The following NTRK3 variants were observed in gnomAD, a reference collection of about 807,000 sequenced individuals.
NTRK3 encodes NT-3 growth factor receptor.
NTRK3 carries 24 observed loss-of-function variants against 91.7 expected under a neutral mutation model. The observed-to-expected ratio is 0.26, with a 90% confidence interval of 0.19 to 0.37. The LOEUF (loss-of-function observed/expected upper bound fraction) is 0.37, where lower values mean the gene tolerates loss of function less well. Among genes scored for constraint, NTRK3 ranks in the 10% least tolerant of loss-of-function variants. The pLI, the probability that NTRK3 is intolerant of heterozygous loss-of-function variation, is 1.00. For synonymous variants in NTRK3, 483 were observed against 404.0 expected (o/e 1.20, Z -2.34); for missense variants, 880 against 1,068.9 (o/e 0.82, Z 2.46).
intron 14 of NTRK3, among the ~76,000 whole-genome samples, chr15:87,956,665 G>C (rs924297774): frequency 6.6e-6 from 1 of 152,044 alleles, no homozygotes; most frequent in South Asian, 2.1e-4. Context: ...CGCCTCCTGG[G>C]TTCAAGCAAT....
At chr15:87,896,806 T>TCA (rs1333188136) in intron 17 of NTRK3, among the ~76,000 whole-genome samples, 1 of 152,188 alleles carries the variant, frequency 6.6e-6, no homozygotes, top group African/African-American at 2.4e-5. Context: ...TACAGTGACA[T>TCA]CAGACTTCTG....
At chr15:88,082,393 G>C (rs2048133431) in intron 13 of NTRK3, among the ~76,000 whole-genome samples, 1 of 152,080 alleles carries the variant, frequency 6.6e-6, no homozygotes, top group Non-Finnish European at 1.5e-5. Flanking sequence ...TACATGCAAT[G>C]AGTGCTGATC....
chr15:88,187,584 C>T (rs924803461), intron 3 of NTRK3, among the ~76,000 whole-genome samples: 2 of 152,226 alleles, frequency 1.3e-5, no homozygotes, highest in South Asian at 2.1e-4. Flanking sequence ...AGAACGATTA[C>T]ACGTGGCTTC....
At chr15:88,134,309 T>C (rs2041666736) in intron 10 of NTRK3, among the ~76,000 whole-genome samples, 1 of 152,164 alleles carries the variant, frequency 6.6e-6, no homozygotes, top group South Asian at 2.1e-4. Flanking sequence ...TGTTTTTTTC[T>C]CCTCCAACTT....
At chr15:88,035,196 G>A (rs996285624) in intron 13 of NTRK3, among the ~76,000 whole-genome samples, 5 of 152,234 alleles carry the variant, frequency 3.3e-5, no homozygotes, top group African/African-American at 1.2e-4. Context: ...TTTGCAGGCA[G>A]CCAGTTCTGC....
chr15:87,998,232 A>G (rs2075844526), intron 14 of NTRK3, among the ~76,000 whole-genome samples: 1 of 152,250 alleles, frequency 6.6e-6, no homozygotes, highest in South Asian at 2.1e-4. Flanking sequence ...TGCTACAAGT[A>G]GGAAATTTTC....
At chr15:88,021,013 A>C (rs78389478) in intron 14 of NTRK3, among the ~76,000 whole-genome samples, 34,768 of 152,210 alleles carry the variant, frequency 0.23, 4,570 homozygotes, top group Middle Eastern at 0.35. Context: ...AAGAGGCAGC[A>C]GATCTGCCTG....
rs1285673505 is a variant in NTRK3 at position 87,866,539 on chromosome 15, A to G, written c.*10396T>C. On this transcript the variant is annotated 3_prime_UTR_variant, in exon 19 of 19. Transcript: ENST00000394480. ...TATTTTAATATGTATATATATTAAAATAAGGGATTGGGTTAGACATTATGA... is the reference window on the plus strand; with the variant it reads ...TATTTTAATATGTATATATATTAAAGTAAGGGATTGGGTTAGACATTATGA... 5.2e-5 allele frequency: 9 copies of G among 173,844 alleles called. No homozygotes were observed. The East Asian group carries it at 8.1e-4, about 16-fold the overall frequency. 10.8% of individuals were successfully genotyped at this position (173,844 alleles called of 1,614,324 possible). A position where few individuals can be genotyped will look rare whatever the true frequency, so the allele number is the denominator to read the frequency against.
At chr15:88,120,235 G>C (rs1410807695) in intron 13 of NTRK3, among the ~76,000 whole-genome samples, 3 of 152,210 alleles carry the variant, frequency 2.0e-5, no homozygotes, top group Non-Finnish European at 4.4e-5. Flanking sequence ...GCAGGAGCCA[G>C]TCCCTCCAAA....
chr15:88,169,216 A>G (rs968784796), intron 5 of NTRK3, among the ~76,000 whole-genome samples: 3 of 152,198 alleles, frequency 2.0e-5, no homozygotes, highest in Admixed American at 1.3e-4. Flanking sequence ...AGACTAAGGC[A>G]GGGAGTTTGG....
chr15:88,092,744 T>A (rs1413478804), intron 13 of NTRK3, among the ~76,000 whole-genome samples: 4 of 152,218 alleles, frequency 2.6e-5, no homozygotes, highest in African/African-American at 9.6e-5. Context: ...TCAGCTTCTT[T>A]CTAGCAGCTG....
At chr15:88,047,828 A>G (rs2080379263) in intron 13 of NTRK3, among the ~76,000 whole-genome samples, 2 of 152,184 alleles carry the variant, frequency 1.3e-5, no homozygotes, top group African/African-American at 4.8e-5. Context: ...ATGGTGTAGT[A>G]AGCCTGATAA....
intron 5 of NTRK3, among the ~76,000 whole-genome samples, chr15:88,164,217 C>T (rs2044724669): frequency 6.6e-6 from 1 of 152,198 alleles, no homozygotes. Flanking sequence ...CTTGCTGGAC[C>T]CACACGGTGG....
At chr15:88,254,200 A>C (rs2053750172) in intron 3 of NTRK3, among the ~76,000 whole-genome samples, 1 of 151,924 alleles carries the variant, frequency 6.6e-6, no homozygotes, top group African/African-American at 2.4e-5. Context: ...TACTACCCAC[A>C]TCCACCCCCT....
At chr15:88,110,250 A>C (rs3784415) in intron 13 of NTRK3, among the ~76,000 whole-genome samples, 23,276 of 152,186 alleles carry the variant, frequency 0.15, 2,480 homozygotes, top group African/African-American at 0.29. Context: ...AGGAAGAAAG[A>C]AGATCAGGTA....
At chr15:88,028,025 G>A (rs940337253) in intron 14 of NTRK3, among the ~76,000 whole-genome samples, 5 of 152,184 alleles carry the variant, frequency 3.3e-5, no homozygotes, top group Non-Finnish European at 7.4e-5. Flanking sequence ...GGGTGTGGAA[G>A]GAAAGGAGAG....
intron 13 of NTRK3, among the ~76,000 whole-genome samples, chr15:88,033,840 T>A (rs570672538): frequency 1.3e-5 from 2 of 152,314 alleles, no homozygotes; most frequent in South Asian, 4.1e-4. Flanking sequence ...TTTATTTTCT[T>A]ATGTAGCAAC....
At position 88,057,192 on chromosome 15, in the gene NTRK3, G is replaced by GA. The variant is rs1418728480; in HGVS notation, c.1397-24148dup. ...TCAAAAAAAAAAAAAAAGAAAAAAAGAAAAAAAGAAATGTGTCCTGAGGGC... is the reference window on the plus strand; with the variant it reads ...TCAAAAAAAAAAAAAAAGAAAAAAAGAAAAAAAAGAAATGTGTCCTGAGGGC... On this transcript the variant is annotated intron_variant, in intron 13 of 18. Transcript: ENST00000394480. Among the ~76,000 whole-genome samples, 3 of 146,658 alleles carry GA rather than the reference G, an allele frequency of 2.0e-5. No homozygotes were observed. The East Asian group carries it at 6.2e-4, about 30-fold the overall frequency.
At chr15:88,055,695 A>G (rs2142364042) in intron 13 of NTRK3, among the ~76,000 whole-genome samples, 1 of 152,182 alleles carries the variant, frequency 6.6e-6, no homozygotes, top group Non-Finnish European at 1.5e-5. Flanking sequence ...AATCAACCAA[A>G]CAACATGAGA....
Sources: allele counts gnomAD v4.1 joint callset (sites outside exome capture counted in the v4.1 genomes callset), GRCh38; gene constraint gnomAD v4.1.1; transcripts MANE v1.5; gene names NCBI Gene and HGNC (gene_info 2026-07-23, HGNC 2026-07-21).